The following PTPRJ variants were observed in gnomAD, a reference collection of about 807,000 sequenced individuals.
PTPRJ encodes receptor-type tyrosine-protein phosphatase eta.
In PTPRJ, 129 loss-of-function variants were observed where a neutral mutation model predicts 141.3. The ratio of observed to expected loss-of-function variants is 0.91; its 90% CI spans 0.79 to 1.06. PTPRJ has a LOEUF of 1.06. PTPRJ is among the 50% of genes least tolerant of loss of function. The probability of loss-of-function intolerance (pLI) is 0.00; values close to 1 mark genes in which losing one functional copy is unlikely to be tolerated. For missense variants in PTPRJ, 1,601 were observed against 1,679.7 expected (o/e 0.95, Z 0.82); for synonymous variants, 610 against 640.5 (o/e 0.95, Z 0.72).
At chr11:48,091,502 G>T (rs2134299293) in intron 1 of PTPRJ, among the ~76,000 whole-genome samples, 1 of 152,276 alleles carries the variant, frequency 6.6e-6, no homozygotes, top group Non-Finnish European at 1.5e-5. Context: ...TTAGTTAGGG[G>T]TGTTTGGTGA....
At chr11:47,986,121 T>C (rs1309014144) in intron 1 of PTPRJ, among the ~76,000 whole-genome samples, 1 of 152,206 alleles carries the variant, frequency 6.6e-6, no homozygotes, top group African/African-American at 2.4e-5. Context: ...TACCTTTATT[T>C]TGGGTTCTTT....
At chr11:47,991,939 G>GCTCA (rs1854202739) in intron 1 of PTPRJ, among the ~76,000 whole-genome samples, 1 of 152,122 alleles carries the variant, frequency 6.6e-6, no homozygotes, top group East Asian at 1.9e-4. Context: ...ATTGTGCTGA[G>GCTCA]ACACTGGCAT....
intron 2 of PTPRJ, among the ~76,000 whole-genome samples, chr11:48,110,957 T>G (rs148132296): frequency 1.3e-5 from 2 of 152,248 alleles, no homozygotes; most frequent in Non-Finnish European, 2.9e-5. Flanking sequence ...ATGTCCTTAC[T>G]AATTTTTTGG....
chr11:48,129,733 G>A (rs1050232818), intron 7 of PTPRJ, among the ~76,000 whole-genome samples: 1 of 152,108 alleles, frequency 6.6e-6, no homozygotes, highest in Non-Finnish European at 1.5e-5. Context: ...GGATCCAGGG[G>A]TCTATGTTCT....
At chr11:48,050,626 A>G (rs966087915) in intron 1 of PTPRJ, among the ~76,000 whole-genome samples, 3 of 152,194 alleles carry the variant, frequency 2.0e-5, no homozygotes, top group East Asian at 3.8e-4. Flanking sequence ...TGGAGAGTTC[A>G]TTGAACATTA....
At chr11:48,127,496 A>G (rs1856868580) in intron 6 of PTPRJ, among the ~76,000 whole-genome samples, 1 of 152,202 alleles carries the variant, frequency 6.6e-6, no homozygotes, top group Non-Finnish European at 1.5e-5. Flanking sequence ...TAAGACATGC[A>G]TAGAGTCCAA....
intron 1 of PTPRJ, among the ~76,000 whole-genome samples, chr11:48,104,400 G>T (rs921170777): frequency 6.6e-6 from 1 of 152,180 alleles, no homozygotes; most frequent in Non-Finnish European, 1.5e-5. Context: ...AATCTGTGCT[G>T]CTCCAAATCC....
chr11:47,994,931 G>A (rs2134183487), intron 1 of PTPRJ, among the ~76,000 whole-genome samples: 1 of 152,238 alleles, frequency 6.6e-6, no homozygotes, highest in South Asian at 2.1e-4. Context: ...CTGGGGGTGT[G>A]AGAGCGCTCC....
At chr11:48,124,831 G>A (rs544074603) in intron 5 of PTPRJ, 137 bp from the exon 6 acceptor site, 9 of 771,600 alleles carry the variant, frequency 1.2e-5, no homozygotes, top group South Asian at 9.4e-5. Context: ...TCTGGAGGAG[G>A]AAGGGAGCAG....
intron 1 of PTPRJ, among the ~76,000 whole-genome samples, chr11:48,046,788 G>A (rs1325226794): frequency 6.6e-6 from 1 of 151,438 alleles, no homozygotes; most frequent in African/African-American, 2.4e-5. Context: ...CAGAGAGGCT[G>A]GGTAACTTAT....
At chr11:48,100,371 G>A (rs1590502366) in intron 1 of PTPRJ, among the ~76,000 whole-genome samples, 1 of 152,320 alleles carries the variant, frequency 6.6e-6, no homozygotes, top group African/African-American at 2.4e-5. Context: ...TCCCAAGGCT[G>A]TGCTAGTGGT....
At chr11:48,079,249 G>A (rs1392937053) in intron 1 of PTPRJ, among the ~76,000 whole-genome samples, 3 of 152,034 alleles carry the variant, frequency 2.0e-5, no homozygotes, top group Non-Finnish European at 4.4e-5. Flanking sequence ...GGCTGCATGC[G>A]GGCCATGGGT....
At chr11:48,080,104 A>AC (rs2134283925) in intron 1 of PTPRJ, among the ~76,000 whole-genome samples, 1 of 152,246 alleles carries the variant, frequency 6.6e-6, no homozygotes, top group South Asian at 2.1e-4. Flanking sequence ...AGAGAAATTA[A>AC]GTCTTATTGG....
intron 1 of PTPRJ, among the ~76,000 whole-genome samples, chr11:48,091,814 C>T (rs1855872184): frequency 6.6e-6 from 1 of 152,082 alleles, no homozygotes; most frequent in African/African-American, 2.4e-5. Context: ...GGATGGTGTC[C>T]CCTCCCCAAC....
At chr11:48,039,149 C>CACA (rs1854206096) in intron 1 of PTPRJ, among the ~76,000 whole-genome samples, 2 of 89,236 alleles carry the variant, frequency 2.2e-5, no homozygotes, top group Non-Finnish European at 4.9e-5. Context: ...GAGTCTGTCT[C>CACA]AAAAAAAAAA....
chr11:48,050,138 G>C (rs1397585427), intron 1 of PTPRJ, among the ~76,000 whole-genome samples: 1 of 152,216 alleles, frequency 6.6e-6, no homozygotes, highest in African/African-American at 2.4e-5. Context: ...CAGATGGTTT[G>C]AGAATGCGTG....
At chr11:48,137,828 C>A (rs1857141124) in intron 10 of PTPRJ, among the ~76,000 whole-genome samples, 1 of 152,106 alleles carries the variant, frequency 6.6e-6, no homozygotes, top group African/African-American at 2.4e-5. Context: ...ATTGGTTTGT[C>A]TTTTGTGCTG....
At chr11:48,028,144 C>T (rs957470815) in intron 1 of PTPRJ, among the ~76,000 whole-genome samples, 4 of 152,126 alleles carry the variant, frequency 2.6e-5, no homozygotes, top group Non-Finnish European at 4.4e-5. Flanking sequence ...AACATAAGGC[C>T]GTCTTGGTTT....
intron 4 of PTPRJ, among the ~76,000 whole-genome samples, chr11:48,122,696 T>C (rs1565313622): frequency 1.3e-5 from 2 of 152,228 alleles, no homozygotes; most frequent in African/African-American, 4.8e-5. Context: ...TCTGCATTAC[T>C]TAATAAAACA....
Sources: gnomAD v4.1 joint callset for allele counts (sites outside exome capture counted in the v4.1 genomes callset) on GRCh38, gnomAD v4.1.1 for gene constraint, MANE v1.5 for transcripts, NCBI Gene and HGNC (gene_info 2026-07-23, HGNC 2026-07-21) for gene names.